Variants in MASP1 observed in about 807,000 individuals in gnomAD.
MASP1 encodes mannan-binding lectin serine protease 1.
In MASP1, 59 loss-of-function variants were observed where a neutral mutation model predicts 77.1. The observed-to-expected ratio is 0.77, with a 90% CI of 0.62 to 0.95. The LOEUF (loss-of-function observed/expected upper bound fraction) is 0.95. Ranked by LOEUF, MASP1 falls within the 40% of genes least tolerant of loss-of-function variation. The pLI, the probability that MASP1 is intolerant of heterozygous loss-of-function variation, is 0.00. For missense variants in MASP1, 885 were observed against 912.9 expected, an observed-to-expected ratio of 0.97 and a Z score of 0.39; for synonymous variants, 362 against 354.5, an observed-to-expected ratio of 1.02 and a Z score of -0.24.
chr3:187,281,210 G>A (rs888258989), intron 2 of MASP1, among the ~76,000 whole-genome samples: 2 of 152,242 alleles, frequency 1.3e-5, no homozygotes, highest in Middle Eastern at 3.2e-3. Context: ...ACCAAGAACT[G>A]TGGGAAATCA....
At chr3:187,270,083 G>C (rs1043420192) in intron 2 of MASP1, among the ~76,000 whole-genome samples, 1 of 152,234 alleles carries the variant, frequency 6.6e-6, no homozygotes, top group Non-Finnish European at 1.5e-5. Context: ...TCTGCACACA[G>C]ATAATTCTGC....
intron 10 of MASP1, among the ~76,000 whole-genome samples, chr3:187,239,987 T>C (rs1451777716): frequency 1.3e-5 from 2 of 152,056 alleles, no homozygotes; most frequent in African/African-American, 2.4e-5. Flanking sequence ...TCCATTTTAG[T>C]GTCTAATCTG....
At chr3:187,232,296 G>A (rs571849287), downstream of MASP1, among the ~76,000 whole-genome samples, 4 of 147,918 alleles carry the variant, frequency 2.7e-5, no homozygotes, top group Non-Finnish European at 3.0e-5. Context: ...TGGTGTTTCA[G>A]GCCTTGGTAT....
chr3:187,280,530 G>C (rs775413939), intron 2 of MASP1, among the ~76,000 whole-genome samples: 1 of 152,134 alleles, frequency 6.6e-6, no homozygotes, highest in Non-Finnish European at 1.5e-5. Context: ...TAGTTTCTTT[G>C]TAAGTATAAA....
chr3:187,267,543 A>G (rs914079538), intron 2 of MASP1, among the ~76,000 whole-genome samples: 1 of 152,220 alleles, frequency 6.6e-6, no homozygotes, highest in African/African-American at 2.4e-5. Context: ...ACATACAGAG[A>G]AAGAAATGTG....
intron 14 of MASP1, among the ~76,000 whole-genome samples, chr3:187,221,807 T>C (rs1166428536): frequency 2.0e-5 from 3 of 152,324 alleles, no homozygotes; most frequent in East Asian, 1.9e-4. Context: ...GCTTAGTAGA[T>C]ACCCAGAAAA....
At chr3:187,225,260 C>G (rs1021656663) in intron 13 of MASP1, 1 of 1,558,992 alleles carries the variant, frequency 6.4e-7, no homozygotes, top group Non-Finnish European at 8.8e-7. Flanking sequence ...GCTTCACCAA[C>G]GTGAAGACGG....
chr3:187,284,664 T>A (rs1048498621), intron 2 of MASP1, among the ~76,000 whole-genome samples: 2 of 152,146 alleles, frequency 1.3e-5, no homozygotes, highest in East Asian at 1.9e-4. Context: ...GCTTGGGAGT[T>A]GTTTGGTGTA....
At chr3:187,226,129 G>T (rs149970803) in intron 12 of MASP1, 2 of 466,444 alleles carry the variant, frequency 4.3e-6, no homozygotes, top group South Asian at 2.1e-5. Flanking sequence ...TGAAACCACA[G>T]GTTCATGGAA....
At chr3:187,221,635 C>A (rs1220128313) in intron 14 of MASP1, among the ~76,000 whole-genome samples, 1 of 152,136 alleles carries the variant, frequency 6.6e-6, no homozygotes, top group Non-Finnish European at 1.5e-5. Flanking sequence ...GGAACAAGTG[C>A]TTTGTAAACT....
rs150257104 is a variant in MASP1 at position 187,252,066 on chromosome 3, G to A, written c.893-314C>T. On this transcript the variant is annotated intron_variant, in intron 6 of 10. Coordinates refer to ENST00000296280, the MANE Select transcript of MASP1 (RefSeq NM_139125.4). ...TGATGCTTCTCTTAAAATATCCTCC[G>A]CAGTAGATGCCAAACAGACTGCTCA... is the stretch of plus-strand genomic sequence containing the variant. 2.0e-4 allele frequency among the ~76,000 whole-genome samples: 31 copies of A among 152,262 alleles called. No individual in the cohort carries two copies. The East Asian group carries it at 3.9e-3, about 19-fold the overall frequency.
At chr3:187,291,069 T>A (rs1387185891) in intron 1 of MASP1, among the ~76,000 whole-genome samples, 1 of 151,980 alleles carries the variant, frequency 6.6e-6, no homozygotes, top group Non-Finnish European at 1.5e-5. Context: ...CTGATTTCAA[T>A]GAGAAATGCA....
At chr3:187,223,396 A>G (rs1220157437) in intron 13 of MASP1, among the ~76,000 whole-genome samples, 3 of 151,772 alleles carry the variant, frequency 2.0e-5, no homozygotes, top group East Asian at 3.8e-4. Flanking sequence ...ACTGGTTTCT[A>G]TGATGTGTTA....
At chr3:187,231,533 A>G (rs1207409085), downstream of MASP1, among the ~76,000 whole-genome samples, 1 of 152,252 alleles carries the variant, frequency 6.6e-6, no homozygotes, top group Non-Finnish European at 1.5e-5. Context: ...TAACAGGTCT[A>G]CAAATAGATG....
At chr3:187,241,763 C>T in intron 9 of MASP1, 1 of 512,830 alleles carries the variant, frequency 1.9e-6, no homozygotes, top group East Asian at 3.6e-5. Flanking sequence ...GGATACAATC[C>T]TCCAAAGGGA....
intron 3 of MASP1, 41 bp downstream of exon 3, chr3:187,262,502 G>C (rs781126793): frequency 6.2e-7 from 1 of 1,603,194 alleles, no homozygotes; most frequent in South Asian, 1.1e-5. Flanking sequence ...TCTTCGGAGA[G>C]AGAGAGAGAG....
At chr3:187,264,578 G>A (rs1368455253) in intron 2 of MASP1, among the ~76,000 whole-genome samples, 1 of 152,162 alleles carries the variant, frequency 6.6e-6, no homozygotes, top group East Asian at 1.9e-4. Flanking sequence ...CAACCATTGT[G>A]ATACTATATT....
chr3:187,277,583 C>T (rs1203507136), intron 2 of MASP1, among the ~76,000 whole-genome samples: 1 of 152,080 alleles, frequency 6.6e-6, no homozygotes, highest in Non-Finnish European at 1.5e-5. Flanking sequence ...GGCCAGGAAA[C>T]ACAACAGGAC....
intron 9 of MASP1, chr3:187,241,817 T>C (rs1474349242): frequency 2.5e-6 from 1 of 400,100 alleles, no homozygotes; most frequent in African/African-American, 2.1e-5. Flanking sequence ...AGGGCTACCA[T>C]CCTAGTCCTT....
Sources: gnomAD v4.1 joint callset for allele counts (sites outside exome capture counted in the v4.1 genomes callset) on GRCh38, gnomAD v4.1.1 for gene constraint, MANE v1.5 for transcripts, NCBI Gene and HGNC (gene_info 2026-07-23, HGNC 2026-07-21) for gene names.